The following CLASP1 variants were observed in gnomAD, a reference collection of about 807,000 sequenced individuals.
CLASP1 encodes the protein CLIP-associating protein 1.
Under a neutral mutation model 192.3 loss-of-function variants are expected in CLASP1, and 38 were observed. The observed-to-expected ratio is 0.20, with a 90% CI of 0.15 to 0.26. The LOEUF (loss-of-function observed/expected upper bound fraction) is 0.26, where lower values mean the gene tolerates loss of function less well. Ranked by LOEUF, CLASP1 falls within the 10% of genes least tolerant of loss-of-function variation. The pLI is 1.00. For synonymous variants in CLASP1, 691 were observed against 712.8 expected (o/e 0.97, Z 0.49); for missense variants, 1,433 against 1,932.5 (o/e 0.74, Z 4.85).
At position 121,430,221 on chromosome 2, in the gene CLASP1, A is replaced by C. The variant is rs1455124291; in HGVS notation, c.1913-44T>G. 8 of 1,412,844 alleles carry C rather than the reference A, an allele frequency of 5.7e-6. No homozygotes were observed. The South Asian group carries it at 8.7e-5, about 15-fold the overall frequency. The allele number at this position is 1,412,844 out of a possible 1,614,324, so 87.5% of individuals were successfully genotyped here. A position where few individuals can be genotyped will look rare whatever the true frequency, so the allele number is the denominator to read the frequency against. On this transcript the variant is annotated intron_variant, in intron 19 of 39. Transcript: ENST00000263710. ...ACAGTGTTTCACAACATTTCCAGTA[A>C]GTGCCACCTCCTCAAGAAAAGAAGC...
At chr2:121,643,775 T>C (rs2072601909) in intron 1 of CLASP1, among the ~76,000 whole-genome samples, 1 of 152,174 alleles carries the variant, frequency 6.6e-6, no homozygotes, top group Admixed American at 6.5e-5. Flanking sequence ...TATTCATCTA[T>C]TACTTGGGGA....
chr2:121,629,386 T>A (rs1199950656), intron 1 of CLASP1, among the ~76,000 whole-genome samples: 1 of 151,536 alleles, frequency 6.6e-6, no homozygotes, highest in Non-Finnish European at 1.5e-5. Context: ...CGAGACTCCA[T>A]CTCAAAAAAA....
intron 1 of CLASP1, among the ~76,000 whole-genome samples, chr2:121,623,624 A>T (rs1024912637): frequency 3.9e-5 from 6 of 152,198 alleles, no homozygotes; most frequent in Admixed American, 3.3e-4. Flanking sequence ...TTCTTTAAAT[A>T]TTTGGTAGAA....
chr2:121,585,761 G>T (rs2061651345), intron 2 of CLASP1, among the ~76,000 whole-genome samples: 1 of 152,096 alleles, frequency 6.6e-6, no homozygotes, highest in Non-Finnish European at 1.5e-5. Flanking sequence ...GCTGGGCACG[G>T]TCGTGCGTAC....
intron 8 of CLASP1, among the ~76,000 whole-genome samples, chr2:121,492,936 A>G (rs1309253988): frequency 6.6e-6 from 1 of 152,214 alleles, no homozygotes; most frequent in African/African-American, 2.4e-5. Context: ...ACTGTCCATC[A>G]ATAGATGCAC....
At chr2:121,344,389 T>C (rs1034157013) in intron 39 of CLASP1, among the ~76,000 whole-genome samples, 1 of 151,990 alleles carries the variant, frequency 6.6e-6, no homozygotes, top group Non-Finnish European at 1.5e-5. Flanking sequence ...TGGAGTGCAG[T>C]GGTGCGTTCT....
chr2:121,583,464 A>G (rs896740706), intron 2 of CLASP1, among the ~76,000 whole-genome samples: 1 of 152,222 alleles, frequency 6.6e-6, no homozygotes, highest in African/African-American at 2.4e-5. Context: ...AACCTGACAC[A>G]TAGCAGGAGA....
At chr2:121,545,319 G>A (rs181306621) in intron 2 of CLASP1, among the ~76,000 whole-genome samples, 5 of 152,230 alleles carry the variant, frequency 3.3e-5, no homozygotes, top group East Asian at 3.9e-4. Context: ...CTCCAAGTTT[G>A]TCTCCAAAAA....
chr2:121,605,967 T>A lies in CLASP1; in HGVS notation c.-72A>T. 3 of 1,418,736 alleles carry A rather than the reference T, an allele frequency of 2.1e-6. No individual in the cohort carries two copies. Among genetic ancestry groups the A allele is most frequent in the African/African-American group, 1.4e-5 (1 of 70,650 alleles). 87.9% of individuals were successfully genotyped at this position (1,418,736 alleles called of 1,614,324 possible). On this transcript the variant is annotated 5_prime_UTR_variant, in exon 2 of 40. The change creates a premature stop within an existing upstream ORF in the 5' untranslated region. Transcript: ENST00000263710. Reference sequence around the variant, plus strand: ...ATGACTCCCTCCCAGCAGACGTATCTGGGAGGTTGCCTCTTTGTTCGCTGA... The same window carrying A: ...ATGACTCCCTCCCAGCAGACGTATCAGGGAGGTTGCCTCTTTGTTCGCTGA...
chr2:121,536,529 TA>T (rs1240826321), intron 2 of CLASP1, among the ~76,000 whole-genome samples: 1 of 150,300 alleles, frequency 6.7e-6, no homozygotes, highest in East Asian at 2.0e-4. Context: ...TCTACAGGAG[TA>T]AAAAGGTGGA....
intron 12 of CLASP1, chr2:121,459,539 G>C (rs531215888): frequency 6.5e-6 from 1 of 154,218 alleles, no homozygotes; most frequent in South Asian, 2.1e-4. Context: ...CTAACACAAA[G>C]TTTTAATAGC....
At chr2:121,478,931 A>AC (rs1559369568) in intron 8 of CLASP1, among the ~76,000 whole-genome samples, 28 of 5,906 alleles carry the variant, frequency 4.7e-3, no homozygotes, top group African/African-American at 0.017. Flanking sequence ...CACACCACAC[A>AC]ACACCCCCCA....
intron 8 of CLASP1, among the ~76,000 whole-genome samples, chr2:121,501,584 A>G (rs1369638961): frequency 2.0e-5 from 3 of 152,230 alleles, no homozygotes; most frequent in Non-Finnish European, 4.4e-5. Context: ...TCAATTTTCT[A>G]TTATTTCTTA....
intron 2 of CLASP1, among the ~76,000 whole-genome samples, chr2:121,569,007 T>C (rs1181656806): frequency 6.6e-6 from 1 of 152,106 alleles, no homozygotes; most frequent in Non-Finnish European, 1.5e-5. Context: ...CCATGTGCCT[T>C]CCGGAGATAT....
chr2:121,474,761 G>A (rs2091387211), intron 8 of CLASP1, among the ~76,000 whole-genome samples: 1 of 152,032 alleles, frequency 6.6e-6, no homozygotes, highest in African/African-American at 2.4e-5. Flanking sequence ...GGAGGAAAGG[G>A]CATACTGAGC....
At chr2:121,636,341 T>A (rs1305747454) in intron 1 of CLASP1, among the ~76,000 whole-genome samples, 2 of 134,882 alleles carry the variant, frequency 1.5e-5, no homozygotes, top group South Asian at 2.3e-4. Context: ...ATTTCAAAAA[T>A]AATAATAATA....
At chr2:121,448,358 G>A (rs1262362712) in intron 17 of CLASP1, 33 bp from the exon 18 acceptor site, 7 of 1,448,020 alleles carry the variant, frequency 4.8e-6, no homozygotes, top group Non-Finnish European at 6.8e-6. Flanking sequence ...TTTATTACAT[G>A]TACTGTACCT....
chr2:121,503,573 T>C (rs1005769179), intron 7 of CLASP1, among the ~76,000 whole-genome samples: 3 of 152,208 alleles, frequency 2.0e-5, no homozygotes, highest in Non-Finnish European at 4.4e-5. Context: ...AAAATGTGTA[T>C]CTTATGAGAA....
intron 2 of CLASP1, among the ~76,000 whole-genome samples, chr2:121,557,105 A>G (rs952126683): frequency 6.6e-6 from 1 of 152,200 alleles, no homozygotes; most frequent in African/African-American, 2.4e-5. Flanking sequence ...AGTGCTGCTC[A>G]CTGCGAATGT....
Sources: gnomAD v4.1 joint callset for allele counts (sites outside exome capture counted in the v4.1 genomes callset) on GRCh38, gnomAD v4.1.1 for gene constraint, MANE v1.5 for transcripts, NCBI Gene and HGNC (gene_info 2026-07-23, HGNC 2026-07-21) for gene names.